The following ZC2HC1A variants were observed in gnomAD, a reference collection of about 807,000 sequenced individuals.
ZC2HC1A encodes zinc finger C2HC-type containing 1A, also known as zinc finger C2HC domain-containing protein 1A.
In ZC2HC1A, 28 loss-of-function variants were observed where a neutral mutation model predicts 40.7. The observed-to-expected ratio is 0.69, with a 90% CI of 0.51 to 0.94. The LOEUF (loss-of-function observed/expected upper bound fraction) is 0.94. Among genes scored for constraint, ZC2HC1A ranks in the 40% least tolerant of loss-of-function variants. The pLI is 0.00. For synonymous variants in ZC2HC1A, 129 were observed against 129.2 expected, an observed-to-expected ratio of 1.00 and a Z score of 0.01; for missense variants, 389 against 386.3, an observed-to-expected ratio of 1.01 and a Z score of -0.06.
In ZC2HC1A at chr8:78,718,554, T is replaced by C. The variant is rs575782760; in HGVS notation, c.*1061T>C. 9.2e-5 allele frequency: 14 copies of C among 151,922 alleles called. No homozygotes were observed. The highest frequency in any genetic ancestry group is 1.8e-4 in the Non-Finnish European group (12 of 67,780). The allele number at this position is 151,922 out of a possible 1,614,324, so 9.4% of individuals were successfully genotyped here. The stretch of plus-strand genomic sequence containing the variant: ...ATGAGTAGGTTAAGAGAATATCTAA[T>C]TTTCCTACTCTTTTTTTCATCTTTA... On this transcript the variant is annotated 3_prime_UTR_variant, in exon 9 of 9. Coordinates refer to ENST00000263849, the MANE Select transcript of ZC2HC1A (RefSeq NM_016010.3).
At chr8:78,676,861 TTAA>T (rs1210954896) in intron 2 of ZC2HC1A, among the ~76,000 whole-genome samples, 1 of 152,062 alleles carries the variant, frequency 6.6e-6, no homozygotes, top group Non-Finnish European at 1.5e-5. Flanking sequence ...GGTATTTAAC[TTAA>T]TGATGTTATT....
At chr8:78,703,057 T>A (rs1004673103) in intron 7 of ZC2HC1A, among the ~76,000 whole-genome samples, 3 of 152,006 alleles carry the variant, frequency 2.0e-5, no homozygotes, top group African/African-American at 7.3e-5. Context: ...CCACCACACC[T>A]GGCTAATTTT....
intron 7 of ZC2HC1A, among the ~76,000 whole-genome samples, chr8:78,704,421 G>A (rs1176356102): frequency 6.7e-6 from 1 of 149,470 alleles, no homozygotes; most frequent in Non-Finnish European, 1.5e-5. Context: ...GTTAAATATT[G>A]GTCCCCAATA....
rs538818172 is a variant in ZC2HC1A, at chr8:78,678,597, C to T, written c.128C>T (p.Thr43Ile). 1.9e-5 allele frequency: 31 copies of T among 1,611,806 alleles called. No homozygotes were observed. The Middle Eastern group carries it at 6.6e-4, about 34-fold the overall frequency. The change falls in exon 3 of 9, where the codon ACT becomes ATT. Residue 43 changes from threonine (T) to isoleucine (I), a missense_variant. Transcript: ENST00000263849. ...KHGPICQKTA[T>I]KKRKTFDSSR... is the part of the protein sequence containing the mutation. The stretch of plus-strand genomic sequence containing the variant: ...GGACCCATTTGCCAGAAGACTGCAA[C>T]TAAAAAACGGAAGACTTTTGATTCA...
At chr8:78,666,262 T>A in intron 1 of ZC2HC1A, 98 bp downstream of exon 1, 1 of 1,524,436 alleles carries the variant, frequency 6.6e-7, no homozygotes. Context: ...GCTGGTTCGG[T>A]GCGGCGGACC....
intron 3 of ZC2HC1A, among the ~76,000 whole-genome samples, chr8:78,686,185 C>G (rs1809963792): frequency 6.6e-6 from 1 of 152,050 alleles, no homozygotes. Context: ...AACATTGAAC[C>G]ACAGCAACAG....
intron 1 of ZC2HC1A, 169 bp from the exon 2 acceptor site, chr8:78,675,618 C>A (rs915694765): frequency 1.0e-5 from 6 of 571,548 alleles, no homozygotes; most frequent in Non-Finnish European, 1.8e-5. Context: ...CCACTGATAA[C>A]TAAGTATTAT....
At chr8:78,676,532 A>G (rs1468554578) in intron 2 of ZC2HC1A, among the ~76,000 whole-genome samples, 1 of 152,036 alleles carries the variant, frequency 6.6e-6, no homozygotes, top group Non-Finnish European at 1.5e-5. Flanking sequence ...TCAAACACAA[A>G]TACACATTTA....
intron 5 of ZC2HC1A, 45 bp downstream of exon 5, chr8:78,689,418 T>G: frequency 6.7e-7 from 1 of 1,497,094 alleles, no homozygotes. Context: ...AAATGGCTCA[T>G]GGACATTCAT....
At chr8:78,716,105 GT>G (rs1417322399) in intron 8 of ZC2HC1A, among the ~76,000 whole-genome samples, 1 of 145,596 alleles carries the variant, frequency 6.9e-6, no homozygotes, top group Non-Finnish European at 1.5e-5. Context: ...CTTTATTACT[GT>G]TTTTTTTTGT....
chr8:78,691,678 A>G (rs1419619943), intron 5 of ZC2HC1A, among the ~76,000 whole-genome samples: 1 of 151,494 alleles, frequency 6.6e-6, no homozygotes, highest in African/African-American at 2.4e-5. Flanking sequence ...ATAAGATTTC[A>G]TTTTCTTTTT....
At chr8:78,704,272 C>T (rs1810698990) in intron 7 of ZC2HC1A, among the ~76,000 whole-genome samples, 2 of 151,144 alleles carry the variant, frequency 1.3e-5, no homozygotes, top group Non-Finnish European at 2.9e-5. Context: ...CCTGTAGTCC[C>T]AGCTACTTGG....
At chr8:78,708,672 C>CT (rs66697724) in intron 7 of ZC2HC1A, among the ~76,000 whole-genome samples, 2 of 142,572 alleles carry the variant, frequency 1.4e-5, no homozygotes, top group Admixed American at 7.0e-5. Context: ...AGATGATTAT[C>CT]TTTTTTTTTT....
At chr8:78,692,578 G>A (rs1810245609) in intron 5 of ZC2HC1A, among the ~76,000 whole-genome samples, 1 of 152,072 alleles carries the variant, frequency 6.6e-6, no homozygotes, top group Admixed American at 6.6e-5. Flanking sequence ...TAGGAGGGGA[G>A]CAGTAAGGAG....
Position 78,666,215 on chromosome 8 carries a change from G to C in ZC2HC1A, c.16+51G>C, listed in dbSNP as rs1189755179. ...GGACGGCTAGAGCGGGCCCGAAACA[G>C]CTGGGGACCCTGGACACCAGTAGCA... On this transcript the variant is annotated intron_variant, in intron 1 of 8. Transcript: ENST00000263849. 7 of 1,560,196 alleles carry C rather than the reference G, an allele frequency of 4.5e-6. No individual in the cohort carries two copies. The African/African-American group carries it at 6.8e-5, about 15-fold the overall frequency.
At chr8:78,688,712 C>G (rs778769070) in intron 4 of ZC2HC1A, among the ~76,000 whole-genome samples, 3 of 152,108 alleles carry the variant, frequency 2.0e-5, no homozygotes, top group Non-Finnish European at 4.4e-5. Context: ...TTAATCACTT[C>G]TTCCATCTGT....
At position 78,675,958 on chromosome 8, in the gene ZC2HC1A, G is replaced by A; in HGVS notation, c.93+95G>A. On this transcript the variant is annotated intron_variant, in intron 2 of 8. Coordinates refer to ENST00000263849, the MANE Select transcript of ZC2HC1A (RefSeq NM_016010.3). Reference sequence around the variant, plus strand: ...TCATGGGAAGAATTTACGTGGAATAGTTTTTGAAGAGTTAATGGGTACTAT... The same window carrying A: ...TCATGGGAAGAATTTACGTGGAATAATTTTTGAAGAGTTAATGGGTACTAT... The A allele has an allele frequency of 2.7e-6, 3 of 1,100,834 alleles. No individual in the cohort carries two copies. In the Admixed American group the frequency reaches 5.8e-5, roughly 21 times the overall value. 68.2% of individuals were successfully genotyped at this position (1,100,834 alleles called of 1,614,324 possible).
At chr8:78,693,418 GC>G in intron 5 of ZC2HC1A, among the ~76,000 whole-genome samples, 1 of 152,192 alleles carries the variant, frequency 6.6e-6, no homozygotes, top group South Asian at 2.1e-4. Context: ...TTTAATTATC[GC>G]CATTCTAACT....
intron 7 of ZC2HC1A, among the ~76,000 whole-genome samples, chr8:78,714,279 C>T (rs551368962): frequency 1.1e-4 from 16 of 152,120 alleles, no homozygotes; most frequent in Middle Eastern, 3.4e-3. Flanking sequence ...GAGTTATGAA[C>T]GCTACCTATT....
Sources: allele counts gnomAD v4.1 joint callset (sites outside exome capture counted in the v4.1 genomes callset), GRCh38; gene constraint gnomAD v4.1.1; transcripts MANE v1.5; gene names NCBI Gene and HGNC (gene_info 2026-07-23, HGNC 2026-07-21).